Variants in IGF1R observed in about 807,000 individuals in gnomAD.
The protein encoded by IGF1R is insulin like growth factor 1 receptor, also known as insulin-like growth factor 1 receptor.
A neutral mutation model predicts 144.6 loss-of-function variants in IGF1R; 44 were observed. That is an observed-to-expected ratio of 0.30 (90% CI 0.24 to 0.39). The LOEUF is 0.39. IGF1R is among the 10% of genes least tolerant of loss of function. IGF1R has a pLI of 1.00. For synonymous variants in IGF1R, 795 were observed against 722.8 expected (o/e 1.10, Z -1.60); for missense variants, 1,355 against 1,833.7 (o/e 0.74, Z 4.77).
At chr15:98,732,513 G>A (rs1263356823) in intron 2 of IGF1R, among the ~76,000 whole-genome samples, 1 of 152,140 alleles carries the variant, frequency 6.6e-6, no homozygotes, top group Non-Finnish European at 1.5e-5. Flanking sequence ...GGGAAGGAGG[G>A]AAGCTGGCAG....
rs567577404 is a variant in IGF1R, at chr15:98,773,882, G to A, written c.640+65775G>A. Among the ~76,000 whole-genome samples the A allele has an allele frequency of 5.3e-5, 8 of 152,316 alleles. No individual in the cohort carries two copies. In the South Asian group the frequency reaches 1.2e-3, roughly 24 times the overall value. On this transcript the variant is annotated intron_variant, in intron 2 of 20. Transcript: ENST00000650285. ...AGCCTAAGGACAAAGCCATTGTGGG[G>A]TGAGAGACAGGATTGGCACAATCAC...
At chr15:98,785,902 C>T (rs2055982374) in intron 2 of IGF1R, among the ~76,000 whole-genome samples, 1 of 151,956 alleles carries the variant, frequency 6.6e-6, no homozygotes, top group Non-Finnish European at 1.5e-5. Flanking sequence ...ACCTACGTGA[C>T]CACTAGCTGG....
chr15:98,949,794 GC>G (rs34488623), intron 20 of IGF1R, among the ~76,000 whole-genome samples: 2 of 152,182 alleles, frequency 1.3e-5, no homozygotes, highest in African/African-American at 4.8e-5. Flanking sequence ...CCCTGGAGAA[GC>G]CCCCCTTTTG....
chr15:98,726,815 G>A lies in IGF1R; in HGVS notation c.640+18708G>A, dbSNP rs375802433. Reference sequence around the variant, plus strand: ...GCTCACTGCAACTTCCGCCTCCCGGGTTCAGGCAATTCTCCTGCCTCAGCC... The same window carrying A: ...GCTCACTGCAACTTCCGCCTCCCGGATTCAGGCAATTCTCCTGCCTCAGCC... On this transcript the variant is annotated intron_variant, in intron 2 of 20. Coordinates refer to ENST00000650285, the MANE Select transcript of IGF1R (RefSeq NM_000875.5). Among the ~76,000 whole-genome samples, 385 of 151,086 alleles carry A rather than the reference G, an allele frequency of 2.5e-3. 2 individuals carry two copies. The highest frequency in any genetic ancestry group is 9.2e-3 in the African/African-American group (376 of 40,886).
At chr15:98,776,104 C>T (rs1369210304) in intron 2 of IGF1R, among the ~76,000 whole-genome samples, 1 of 152,040 alleles carries the variant, frequency 6.6e-6, no homozygotes, top group Admixed American at 6.5e-5. Context: ...GGTGATTTTC[C>T]TTAAACTCCC....
At chr15:98,795,142 T>G (rs376459602) in intron 2 of IGF1R, among the ~76,000 whole-genome samples, 1 of 115,142 alleles carries the variant, frequency 8.7e-6, no homozygotes, top group Non-Finnish European at 1.9e-5. Flanking sequence ...GGGAAAATAT[T>G]GACTATTGTA....
intron 2 of IGF1R, among the ~76,000 whole-genome samples, chr15:98,750,423 G>C (rs2054981277): frequency 6.6e-6 from 1 of 152,372 alleles, no homozygotes; most frequent in Admixed American, 6.5e-5. Context: ...GATGCTCTGA[G>C]ATGTTTAGGG....
intron 2 of IGF1R, among the ~76,000 whole-genome samples, chr15:98,726,711 GA>G (rs1479406435): frequency 6.2e-5 from 8 of 128,280 alleles, no homozygotes; most frequent in Non-Finnish European, 5.0e-5. Context: ...TTACATTGAT[GA>G]TTTTTTTTTT....
intron 3 of IGF1R, among the ~76,000 whole-genome samples, chr15:98,892,032 GA>G (rs1358499902): frequency 6.6e-6 from 1 of 152,132 alleles, no homozygotes; most frequent in Non-Finnish European, 1.5e-5. Context: ...AAGTGCAAAA[GA>G]AAAGACATGC....
chr15:98,653,806 T>C (rs1211139022), intron 1 of IGF1R, among the ~76,000 whole-genome samples: 3 of 152,262 alleles, frequency 2.0e-5, no homozygotes, highest in Non-Finnish European at 2.9e-5. Flanking sequence ...ATCAGGGCAG[T>C]AATGAAAATC....
At chr15:98,744,306 C>A (rs1865875960) in intron 2 of IGF1R, among the ~76,000 whole-genome samples, 5 of 151,890 alleles carry the variant, frequency 3.3e-5, no homozygotes, top group Admixed American at 3.3e-4. Context: ...TTAAGGAGAA[C>A]AACGTGCTAA....
chr15:98,761,663 A>G (rs1405217943), intron 2 of IGF1R, among the ~76,000 whole-genome samples: 3 of 152,212 alleles, frequency 2.0e-5, no homozygotes, highest in African/African-American at 4.8e-5. Flanking sequence ...GCAGACTCCA[A>G]CCACATTTCC....
intron 2 of IGF1R, among the ~76,000 whole-genome samples, chr15:98,733,196 G>T (rs1363831716): frequency 3.3e-5 from 5 of 152,138 alleles, no homozygotes; most frequent in Admixed American, 1.3e-4. Flanking sequence ...AATAAAAGGG[G>T]TTGTTTTGAA....
chr15:98,933,951 G>A (rs985150891), intron 15 of IGF1R, among the ~76,000 whole-genome samples: 1 of 152,152 alleles, frequency 6.6e-6, no homozygotes, highest in Non-Finnish European at 1.5e-5. Flanking sequence ...GTTCAGCTTT[G>A]TAACCGCAAA....
chr15:98,690,222 A>G (rs2053443086), intron 1 of IGF1R, among the ~76,000 whole-genome samples: 1 of 152,206 alleles, frequency 6.6e-6, no homozygotes, highest in Non-Finnish European at 1.5e-5. Flanking sequence ...GTGCACCTGT[A>G]GTCCCAGCTA....
chr15:98,654,527 G>C (rs2052441982), intron 1 of IGF1R, among the ~76,000 whole-genome samples: 1 of 152,138 alleles, frequency 6.6e-6, no homozygotes, highest in Non-Finnish European at 1.5e-5. Flanking sequence ...AAGCGTGAGG[G>C]AGTAAGAGTG....
intron 11 of IGF1R, 91 bp downstream of exon 11, chr15:98,922,522 GC>G: frequency 6.7e-7 from 1 of 1,485,398 alleles, no homozygotes; most frequent in Non-Finnish European, 9.3e-7. Context: ...GACACCCAGG[GC>G]CATGACCCTT....
intron 2 of IGF1R, among the ~76,000 whole-genome samples, chr15:98,818,148 A>AGC (rs893473959): frequency 2.6e-5 from 4 of 152,198 alleles, no homozygotes; most frequent in African/African-American, 9.7e-5. Flanking sequence ...TCTCCTTAAC[A>AGC]GCCCTACCTT....
chr15:98,895,431 G>C (rs2014146302), intron 3 of IGF1R, among the ~76,000 whole-genome samples: 1 of 151,666 alleles, frequency 6.6e-6, no homozygotes, highest in South Asian at 2.1e-4. Flanking sequence ...TTTTTAAATG[G>C]AAAGTTTATA....
Sources: allele counts gnomAD v4.1 joint callset (sites outside exome capture counted in the v4.1 genomes callset), GRCh38; gene constraint gnomAD v4.1.1; transcripts MANE v1.5; gene names NCBI Gene and HGNC (gene_info 2026-07-23, HGNC 2026-07-21).